The following CAPN8 variants were observed in gnomAD, a reference collection of about 807,000 sequenced individuals.
The protein encoded by CAPN8 is calpain 8.
In CAPN8, 87 loss-of-function variants were observed where a neutral mutation model predicts 80.9. The ratio of observed to expected loss-of-function variants is 1.07; its 90% CI spans 0.90 to 1.28. CAPN8 has a LOEUF of 1.28. Among genes scored for constraint, CAPN8 ranks in the 50% most tolerant of loss-of-function variants. The pLI, the probability that CAPN8 is intolerant of heterozygous loss-of-function variation, is 0.00. For synonymous variants in CAPN8, 299 were observed against 273.8 expected, an observed-to-expected ratio of 1.09 and a Z score of -0.91; for missense variants, 757 against 702.0, an observed-to-expected ratio of 1.08 and a Z score of -0.89.
chr1:223,551,399 C>T (rs1247045828), intron 14 of CAPN8, among the ~76,000 whole-genome samples: 3 of 152,132 alleles, frequency 2.0e-5, no homozygotes, highest in African/African-American at 7.2e-5. Context: ...CCTCAGCCTC[C>T]CAGAGTGCTA....
Position 223,549,511 on chromosome 1 carries a change from G to T in CAPN8, c.1700-129C>A, listed in dbSNP as rs1368635985. On this transcript the variant is annotated intron_variant, in intron 15 of 20. Transcript: ENST00000366872. The stretch of plus-strand genomic sequence containing the variant: ...GAACCGAACTTGGTCTCTGCCAAAA[G>T]GGGAGAGCATCATGGCAGGCTTGTG... 2.1e-6 allele frequency: 3 copies of T among 1,400,412 alleles called. 1 individual carries two copies. The highest frequency in any genetic ancestry group is 2.5e-5 in the South Asian group (2 of 80,632). 86.7% of individuals were successfully genotyped at this position (1,400,412 alleles called of 1,614,324 possible). A position where few individuals can be genotyped will look rare whatever the true frequency, so the allele number is the denominator to read the frequency against.
chr1:223,626,439 C>A (rs1051151066), intron 5 of CAPN8, among the ~76,000 whole-genome samples: 2 of 152,126 alleles, frequency 1.3e-5, no homozygotes, highest in Non-Finnish European at 2.9e-5. Context: ...ACAGGGCAGC[C>A]AGAGGGCAGC....
At chr1:223,617,418 T>C (rs1657229884) in intron 9 of CAPN8, 1 of 152,192 alleles carries the variant, frequency 6.6e-6, no homozygotes, top group Admixed American at 6.5e-5. Flanking sequence ...AAAAAAAATC[T>C]GTAATCGCCT....
intron 1 of CAPN8, among the ~76,000 whole-genome samples, chr1:223,663,050 G>T (rs759019096): frequency 1.3e-5 from 2 of 152,132 alleles, no homozygotes; most frequent in African/African-American, 4.8e-5. Flanking sequence ...TACTCAACAC[G>T]CACTTGAAAA....
At chr1:223,621,231 TTC>T (rs1657380414) in intron 7 of CAPN8, among the ~76,000 whole-genome samples, 1 of 120,204 alleles carries the variant, frequency 8.3e-6, no homozygotes, top group African/African-American at 3.3e-5. Context: ...CTGCTCCAAT[TTC>T]TTTTTTTTAC....
intron 16 of CAPN8, 125 bp downstream of exon 16, chr1:223,549,193 C>A: frequency 8.1e-7 from 1 of 1,236,692 alleles, no homozygotes; most frequent in Non-Finnish European, 1.1e-6. Flanking sequence ...GACATATGCT[C>A]CATGCCTGCT....
At chr1:223,655,661 AAC>A (rs1658467181) in intron 1 of CAPN8, among the ~76,000 whole-genome samples, 2 of 152,190 alleles carry the variant, frequency 1.3e-5, no homozygotes, top group Admixed American at 6.5e-5. Context: ...AGGGAGAAAA[AAC>A]ACAAAGAGAG....
At chr1:223,616,540 C>A (rs1458199851) in intron 9 of CAPN8, among the ~76,000 whole-genome samples, 1 of 152,214 alleles carries the variant, frequency 6.6e-6, no homozygotes, top group Non-Finnish European at 1.5e-5. Flanking sequence ...AACCCACCTT[C>A]TGGAGGAAGG....
intron 2 of CAPN8, among the ~76,000 whole-genome samples, chr1:223,632,180 G>A (rs1273815880): frequency 1.3e-5 from 2 of 152,138 alleles, no homozygotes; most frequent in Non-Finnish European, 2.9e-5. Flanking sequence ...GGAGGCTTTT[G>A]GATCCTTGCC....
At chr1:223,665,118 T>C (rs1486576320) in intron 1 of CAPN8, among the ~76,000 whole-genome samples, 1 of 151,966 alleles carries the variant, frequency 6.6e-6, no homozygotes, top group African/African-American at 2.4e-5. Flanking sequence ...CCAGACATGG[T>C]GGCACATGCC....
chr1:223,656,619 A>G (rs1270733012), intron 1 of CAPN8, among the ~76,000 whole-genome samples: 2 of 151,174 alleles, frequency 1.3e-5, no homozygotes, highest in African/African-American at 4.9e-5. Context: ...TCCCTCCAGA[A>G]GCTGTCTTCT....
chr1:223,643,060 G>A (rs888617587), intron 2 of CAPN8, among the ~76,000 whole-genome samples: 1 of 152,232 alleles, frequency 6.6e-6, no homozygotes, highest in Non-Finnish European at 1.5e-5. Flanking sequence ...AAAGCGGCTT[G>A]CTTACTGAGT....
At chr1:223,544,987 G>A in intron 17 of CAPN8, 137 bp from the exon 18 acceptor site, 1 of 1,479,730 alleles carries the variant, frequency 6.8e-7, no homozygotes, top group South Asian at 1.4e-5. Context: ...TCCCAAGAAG[G>A]TTTCAGAGCA....
rs1422128448 is a variant in CAPN8 at position 223,549,498 on chromosome 1, G to C, written c.1700-116C>G. The C allele has an allele frequency of 6.7e-6, 10 of 1,487,258 alleles. No individual in the cohort carries two copies. In the East Asian group the frequency reaches 2.2e-4, roughly 33 times the overall value. 92.1% of individuals were successfully genotyped at this position (1,487,258 alleles called of 1,614,324 possible). A position where few individuals can be genotyped will look rare whatever the true frequency, so the allele number is the denominator to read the frequency against. The stretch of plus-strand genomic sequence containing the variant: ...ATCCAAGGGTGTGGAACCGAACTTG[G>C]TCTCTGCCAAAAGGGGAGAGCATCA... On this transcript the variant is annotated intron_variant, in intron 15 of 20. Transcript: ENST00000366872.
At chr1:223,652,966 A>C (rs1170653351) in intron 2 of CAPN8, among the ~76,000 whole-genome samples, 1 of 151,982 alleles carries the variant, frequency 6.6e-6, no homozygotes, top group East Asian at 1.9e-4. Flanking sequence ...AACTATTCAA[A>C]GAAAAATCCA....
chr1:223,664,982 A>G (rs186506775), intron 1 of CAPN8, among the ~76,000 whole-genome samples: 137 of 152,238 alleles, frequency 9.0e-4, no homozygotes, highest in Non-Finnish European at 1.4e-3. Flanking sequence ...GGCCAGATGC[A>G]GTGGCTCATG....
Position 223,627,953 on chromosome 1 carries a change from G to A in CAPN8, c.560+56C>T, listed in dbSNP as rs974664231. 1.9e-5 allele frequency: 28 copies of A among 1,479,800 alleles called. No individual in the cohort carries two copies. The African/African-American group carries it at 3.4e-4, about 18-fold the overall frequency. 91.7% of individuals were successfully genotyped at this position (1,479,800 alleles called of 1,614,324 possible). A position where few individuals can be genotyped will look rare whatever the true frequency, so the allele number is the denominator to read the frequency against. ...GGGGAGGCAGACGTGGGAGGGACAG[G>A]TGAGAGCTTTCAGGGAGGCTCTGGC... On this transcript the variant is annotated intron_variant, in intron 4 of 20. Coordinates refer to ENST00000366872, the MANE Select transcript of CAPN8 (RefSeq NM_001143962.2).
intron 14 of CAPN8, among the ~76,000 whole-genome samples, chr1:223,551,599 G>A (rs1656788273): frequency 2.0e-5 from 3 of 152,308 alleles, no homozygotes; most frequent in Middle Eastern, 6.8e-3. Flanking sequence ...CCTTTCACAG[G>A]GCTCGCTTGA....
chr1:223,623,121 G>C (rs1657453206), intron 6 of CAPN8, among the ~76,000 whole-genome samples: 1 of 152,248 alleles, frequency 6.6e-6, no homozygotes, highest in Non-Finnish European at 1.5e-5. Context: ...TAAATGAAGA[G>C]TGAGTCTAGC....
Sources: gnomAD v4.1 joint callset for allele counts (sites outside exome capture counted in the v4.1 genomes callset) on GRCh38, gnomAD v4.1.1 for gene constraint, MANE v1.5 for transcripts, NCBI Gene and HGNC (gene_info 2026-07-23, HGNC 2026-07-21) for gene names.